CYTH3: variants seen among roughly 807,000 people sequenced by gnomAD.
CYTH3 encodes cytohesin 3, also known as cytohesin-3.
In CYTH3, 23 loss-of-function variants were observed where a neutral mutation model predicts 55.1. The ratio of observed to expected loss-of-function variants is 0.42; its 90% CI spans 0.30 to 0.59. The LOEUF is 0.59. CYTH3 is among the 20% of genes least tolerant of loss of function. The pLI is 0.20. For synonymous variants in CYTH3, 249 were observed against 194.9 expected, an observed-to-expected ratio of 1.28 and a Z score of -2.31; for missense variants, 413 against 524.8, an observed-to-expected ratio of 0.79 and a Z score of 2.08.
At chr7:6,255,758 GTTTT>G (rs397889923) in intron 1 of CYTH3, among the ~76,000 whole-genome samples, 3 of 89,402 alleles carry the variant, frequency 3.4e-5, no homozygotes, top group African/African-American at 4.9e-5. Context: ...CCTTTAATCT[GTTTT>G]TTTTTTTTTT....
chr7:6,200,344 C>T (rs113628497), intron 1 of CYTH3, among the ~76,000 whole-genome samples: 2 of 152,154 alleles, frequency 1.3e-5, no homozygotes, highest in Admixed American at 1.3e-4. Context: ...CACTCGCAGT[C>T]CTATGACTTC....
At chr7:6,271,053 G>A (rs1780636740) in intron 1 of CYTH3, among the ~76,000 whole-genome samples, 1 of 152,136 alleles carries the variant, frequency 6.6e-6, no homozygotes. Flanking sequence ...GTGACAGGCA[G>A]GAAACACGAC....
At chr7:6,243,842 A>C (rs1779737420) in intron 1 of CYTH3, among the ~76,000 whole-genome samples, 1 of 152,322 alleles carries the variant, frequency 6.6e-6, no homozygotes, top group East Asian at 1.9e-4. Flanking sequence ...AATCGTATGG[A>C]GTCAGAGATA....
At chr7:6,253,358 C>T (rs187938068) in intron 1 of CYTH3, among the ~76,000 whole-genome samples, 7 of 151,914 alleles carry the variant, frequency 4.6e-5, no homozygotes, top group Admixed American at 4.6e-4. Flanking sequence ...AGGTATGCAG[C>T]ACCATGCCCA....
intron 1 of CYTH3, among the ~76,000 whole-genome samples, chr7:6,266,974 G>C (rs1780512223): frequency 6.6e-6 from 1 of 152,238 alleles, no homozygotes. Flanking sequence ...GCAGGACTTG[G>C]AGGGGAGGCG....
intron 1 of CYTH3, among the ~76,000 whole-genome samples, chr7:6,259,917 G>T (rs1368519136): frequency 7.4e-6 from 1 of 135,594 alleles, no homozygotes; most frequent in Non-Finnish European, 1.5e-5. Flanking sequence ...CACAACCTCC[G>T]CCTCCCAGGT....
chr7:6,163,993 A>C lies in CYTH3; in HGVS notation c.*951T>G, dbSNP rs150378509. ...CTCAGCGTATGGACCATCTGTGTCC[A>C]GGGAAAAGGCTGTTTCCTAGGAGTT... On this transcript the variant is annotated 3_prime_UTR_variant, in exon 13 of 13. Transcript: ENST00000350796. 1.2e-3 allele frequency: 186 copies of C among 152,398 alleles called. No individual in the cohort carries two copies. The highest frequency in any genetic ancestry group is 4.3e-3 in the African/African-American group (178 of 41,602). 9.4% of individuals were successfully genotyped at this position (152,398 alleles called of 1,614,324 possible).
intron 1 of CYTH3, among the ~76,000 whole-genome samples, chr7:6,237,636 G>T (rs1779558136): frequency 6.6e-6 from 1 of 151,972 alleles, no homozygotes; most frequent in African/African-American, 2.4e-5. Flanking sequence ...TGAACCCGGG[G>T]GGCAGAAGGT....
rs772795279 is a variant in CYTH3 at position 6,170,860 on chromosome 7, C to A, written c.681G>T (p.Glu227Asp). ...RFIAMNRGIN[E>D]GGDLPEELLR... ...GCAGCTCCTCAGGGAGGTCCCCGCCCTCGTTGATGCCGCGGTTCATGGCGA... is the reference window on the plus strand; with the variant it reads ...GCAGCTCCTCAGGGAGGTCCCCGCCATCGTTGATGCCGCGGTTCATGGCGA... The change falls in exon 8 of 13, where the codon GAG (glutamate) becomes GAT (aspartate). Residue 227 changes from glutamate to aspartate, a missense_variant. Coordinates refer to ENST00000350796, the MANE Select transcript of CYTH3 (RefSeq NM_004227.4). This position sits in a 1 kb window ranked among gnomAD's most constrained non-coding sequence, Gnocchi z 7.8. 1 of 1,613,126 alleles carries A rather than the reference C, an allele frequency of 6.2e-7. No homozygotes were observed. Among genetic ancestry groups the A allele is most frequent in the Non-Finnish European group, 8.5e-7 (1 of 1,179,610 alleles).
intron 1 of CYTH3, among the ~76,000 whole-genome samples, chr7:6,215,261 G>A (rs915555686): frequency 7.2e-5 from 11 of 152,176 alleles, no homozygotes; most frequent in Non-Finnish European, 1.5e-4. Flanking sequence ...AGGGGCACTT[G>A]ATAGTCCCAA....
intron 1 of CYTH3, among the ~76,000 whole-genome samples, chr7:6,259,776 ATATATATAATATATATATATATAT>A (rs1780262861): frequency 5.0e-5 from 1 of 19,844 alleles, no homozygotes; most frequent in Non-Finnish European, 6.5e-5. Context: ...TATATATTAT[ATATATATAATATATATATATATAT>A]ATATATATAT....
chr7:6,249,207 GCTTGTC>G (rs1382738186), intron 1 of CYTH3, among the ~76,000 whole-genome samples: 1 of 152,186 alleles, frequency 6.6e-6, no homozygotes, highest in Admixed American at 6.5e-5. Context: ...TGTGAGCACA[GCTTGTC>G]CACTGGAGGG....
intron 4 of CYTH3, among the ~76,000 whole-genome samples, chr7:6,185,981 A>G (rs1339657242): frequency 1.3e-5 from 2 of 151,890 alleles, no homozygotes; most frequent in Non-Finnish European, 2.9e-5. Context: ...ACGGTGGCTC[A>G]CGCACATAAT....
chr7:6,177,509 C>T (rs941583215), intron 5 of CYTH3, among the ~76,000 whole-genome samples: 6 of 152,268 alleles, frequency 3.9e-5, no homozygotes, highest in South Asian at 2.1e-4. Flanking sequence ...AAACAGAAGA[C>T]GATTAAGATG....
intron 1 of CYTH3, among the ~76,000 whole-genome samples, chr7:6,240,851 C>A (rs1184960881): frequency 1.3e-5 from 2 of 152,008 alleles, no homozygotes; most frequent in South Asian, 4.1e-4. Flanking sequence ...CGCAGTAGCT[C>A]GCGCCTGTAA....
chr7:6,181,650 G>T (rs994675140), intron 4 of CYTH3, among the ~76,000 whole-genome samples: 19 of 152,058 alleles, frequency 1.2e-4, no homozygotes, highest in African/African-American at 4.4e-4. Flanking sequence ...TTGAATCTAA[G>T]GATTTTTCTT....
intron 4 of CYTH3, among the ~76,000 whole-genome samples, chr7:6,181,821 G>A (rs923941150): frequency 1.3e-5 from 2 of 152,062 alleles, no homozygotes; most frequent in African/African-American, 4.8e-5. Flanking sequence ...CTTAAACTCT[G>A]TTCTAGCACA....
chr7:6,258,302 G>C (rs1780183946), intron 1 of CYTH3, among the ~76,000 whole-genome samples: 1 of 146,476 alleles, frequency 6.8e-6, no homozygotes, highest in African/African-American at 2.6e-5. Flanking sequence ...GACAGAGCAA[G>C]ACACAGTCTC....
chr7:6,164,685 G>T lies in CYTH3; in HGVS notation c.*259C>A, dbSNP rs1782934427. 2 of 538,988 alleles carry T rather than the reference G, an allele frequency of 3.7e-6. No homozygotes were observed. The highest frequency in any genetic ancestry group is 1.9e-5 in the African/African-American group (1 of 52,226). 33.4% of individuals were successfully genotyped at this position (538,988 alleles called of 1,614,324 possible). A position where few individuals can be genotyped will look rare whatever the true frequency, so the allele number is the denominator to read the frequency against. The stretch of plus-strand genomic sequence containing the variant: ...ACATGCGCAGCCGACCATGACCCCA[G>T]CCACGGCAGGAGGCCTCGAGGATCA... On this transcript the variant is annotated 3_prime_UTR_variant, in exon 13 of 13. Transcript: ENST00000350796.
Sources: allele counts gnomAD v4.1 joint callset (sites outside exome capture counted in the v4.1 genomes callset), GRCh38; gene constraint gnomAD v4.1.1; non-coding constraint Gnocchi (gnomAD v3.1); transcripts MANE v1.5; gene names NCBI Gene and HGNC (gene_info 2026-07-23, HGNC 2026-07-21).